RSPH3: variants seen among roughly 807,000 people sequenced by gnomAD.
The protein encoded by RSPH3 is radial spoke head 3.
Under a neutral mutation model 43.8 loss-of-function variants are expected in RSPH3, and 21 were observed. The ratio of observed to expected loss-of-function variants is 0.48; its 90% confidence interval spans 0.34 to 0.69. RSPH3 has a LOEUF of 0.69. Ranked by LOEUF, RSPH3 falls within the 30% of genes least tolerant of loss-of-function variation. The pLI, the probability that RSPH3 is intolerant of heterozygous loss-of-function variation, is 0.01. For missense variants in RSPH3, 487 were observed against 516.0 expected (o/e 0.94, Z 0.54); for synonymous variants, 173 against 179.8 (o/e 0.96, Z 0.30).
intron 3 of RSPH3, 70 bp downstream of exon 3, chr6:158,986,210 A>C: frequency 6.7e-7 from 1 of 1,500,710 alleles, no homozygotes; most frequent in South Asian, 1.2e-5. Flanking sequence ...ACAAAGGCCA[A>C]ATAAAAATGA....
At chr6:158,967,908 C>T (rs1228804384), downstream of RSPH3, among the ~76,000 whole-genome samples, 1 of 152,072 alleles carries the variant, frequency 6.6e-6, no homozygotes, top group African/African-American at 2.4e-5. Context: ...TTTTTGGTTA[C>T]TGTTTGCATG....
intron 6 of RSPH3, among the ~76,000 whole-genome samples, chr6:158,979,083 G>A (rs1157064588): frequency 6.6e-6 from 1 of 152,140 alleles, no homozygotes; most frequent in Non-Finnish European, 1.5e-5. Context: ...CATTTGAGGA[G>A]GCAGTCATCT....
In RSPH3 at chr6:158,977,835, C is replaced by T. The variant is rs754828177; in HGVS notation, c.960G>A (p.Glu320=). The change falls in exon 8 of 8, where the codon GAG becomes GAA. Residue 320 remains glutamate, a synonymous_variant. Coordinates refer to ENST00000367069, the MANE Select transcript of RSPH3 (RefSeq NM_031924.8). ...GRTVLDMLIR[E]VVEKRLCMYE... is the part of the protein sequence containing the mutation. The stretch of plus-strand genomic sequence containing the variant: ...ACATACACAGCCTCTTTTCAACCAC[C>T]TCACGGATCAACACTGAAAAGTTAA... 1 of 1,610,026 alleles carries T rather than the reference C, an allele frequency of 6.2e-7. No homozygotes were observed. The highest frequency in any genetic ancestry group is 8.5e-7 in the Non-Finnish European group (1 of 1,178,670).
chr6:158,979,044 G>C (rs546668094), intron 6 of RSPH3, among the ~76,000 whole-genome samples: 6 of 152,178 alleles, frequency 3.9e-5, no homozygotes, highest in Non-Finnish European at 8.8e-5. Context: ...GAAGGAAGCT[G>C]ATCAGACTCA....
intron 1 of RSPH3, among the ~76,000 whole-genome samples, chr6:158,994,144 A>T (rs1296694496): frequency 1.3e-5 from 2 of 152,208 alleles, no homozygotes; most frequent in African/African-American, 4.8e-5. Flanking sequence ...TATTATTCAC[A>T]ATAAGCTGCA....
chr6:158,964,533 G>T, the RSPH3 span, among the ~76,000 whole-genome samples: 1 of 152,122 alleles, frequency 6.6e-6, no homozygotes, highest in Non-Finnish European at 1.5e-5. Flanking sequence ...CCACCTTAAT[G>T]GGTATGAAGT....
At chr6:158,988,197 C>G (rs1778294639) in intron 2 of RSPH3, 1 of 152,144 alleles carries the variant, frequency 6.6e-6, no homozygotes, top group Non-Finnish European at 1.5e-5. Context: ...ACCCCAGTCC[C>G]TCCTGGTCAT....
chr6:158,997,879 C>A (rs1778649626), intron 1 of RSPH3, among the ~76,000 whole-genome samples: 1 of 146,822 alleles, frequency 6.8e-6, no homozygotes, highest in Non-Finnish European at 1.5e-5. Flanking sequence ...TGATAGACAT[C>A]TCTTATAGAA....
Position 158,983,703 on chromosome 6 carries a change from T to C in RSPH3, c.451A>G (p.Lys151Glu). Residue 151 changes from lysine (K) to glutamate (E), a missense_variant, in exon 4 of 8, where the codon AAA becomes GAA. By Grantham distance (56) the Lys-to-Glu change is moderately conservative (BLOSUM62 1). Coordinates refer to ENST00000367069, the MANE Select transcript of RSPH3 (RefSeq NM_031924.8). The part of the protein sequence containing the change: ...RPPTPLFIPA[K>E]TGKDVATQIL... ...TGGGTGGCCACATCTTTGCCAGTTTTGGCAGGAATAAAGAGTGGTGTTGGT... is the reference window on the plus strand; with the variant it reads ...TGGGTGGCCACATCTTTGCCAGTTTCGGCAGGAATAAAGAGTGGTGTTGGT... The C allele has an allele frequency of 1.2e-6, 2 of 1,613,834 alleles. No individual in the cohort carries two copies. The highest frequency in any genetic ancestry group is 1.7e-6 in the Non-Finnish European group (2 of 1,179,648).
At chr6:158,972,098 C>T (rs145574328), downstream of RSPH3, among the ~76,000 whole-genome samples, 310 of 152,248 alleles carry the variant, frequency 2.0e-3, 1 homozygote, top group Middle Eastern at 0.017. Flanking sequence ...CTACCATAAT[C>T]ATGCCCTCAT....
chr6:158,990,937 C>T lies in RSPH3; in HGVS notation c.204+2902G>A, dbSNP rs116759648. 4.4e-3 allele frequency among the ~76,000 whole-genome samples: 663 copies of T among 149,628 alleles called. 7 individuals are homozygous for T. The highest frequency in any genetic ancestry group is 0.016 in the African/African-American group (635 of 40,622). ...TCTCTCTGTTCAGCTGGATAACTTC[C>T]GTTCTTCATTGATTCTTCTTCAAAT... On this transcript the variant is annotated intron_variant, in intron 2 of 7. Coordinates refer to ENST00000367069, the MANE Select transcript of RSPH3 (RefSeq NM_031924.8).
intron 1 of RSPH3, among the ~76,000 whole-genome samples, chr6:158,997,962 T>G (rs1322900889): frequency 6.8e-6 from 1 of 147,252 alleles, no homozygotes; most frequent in African/African-American, 2.5e-5. Flanking sequence ...AATTACATTG[T>G]TGATGTTCAA....
At chr6:158,996,259 T>C (rs1026710464) in intron 1 of RSPH3, among the ~76,000 whole-genome samples, 3 of 152,246 alleles carry the variant, frequency 2.0e-5, no homozygotes, top group African/African-American at 7.2e-5. Context: ...TTATCACAAT[T>C]GTCTTTTCAC....
chr6:158,989,372 G>C lies in RSPH3; in HGVS notation c.205-2951C>G, dbSNP rs1169157588. ...AGAGATCCTTTATCACTAGATTGCTGCCTCCTTTTTGGCTCTAGGTGGTGC... is the reference window on the plus strand; with the variant it reads ...AGAGATCCTTTATCACTAGATTGCTCCCTCCTTTTTGGCTCTAGGTGGTGC... On this transcript the variant is annotated intron_variant, in intron 2 of 7. Coordinates refer to ENST00000367069, the MANE Select transcript of RSPH3 (RefSeq NM_031924.8). The surrounding 1 kb of genome is among the most constrained non-coding windows in gnomAD (Gnocchi z 4.3). Among the ~76,000 whole-genome samples the C allele has an allele frequency of 6.6e-6, 1 of 152,088 alleles. No homozygotes were observed. Among genetic ancestry groups the C allele is most frequent in the Non-Finnish European group, 1.5e-5 (1 of 68,002 alleles).
chr6:158,971,703 T>C (rs1006663326), downstream of RSPH3, among the ~76,000 whole-genome samples: 1 of 152,228 alleles, frequency 6.6e-6, no homozygotes, highest in African/African-American at 2.4e-5. Context: ...GAGGGTCCAC[T>C]GCAAAGTCTG....
intron 6 of RSPH3, among the ~76,000 whole-genome samples, chr6:158,980,331 G>A (rs1391534066): frequency 1.3e-5 from 2 of 152,136 alleles, no homozygotes; most frequent in Non-Finnish European, 2.9e-5. Flanking sequence ...GGAAGGCCGA[G>A]GCAGGGAGAA....
intron 5 of RSPH3, among the ~76,000 whole-genome samples, chr6:158,981,550 A>G (rs1343358053): frequency 6.7e-6 from 1 of 149,392 alleles, no homozygotes; most frequent in Non-Finnish European, 1.5e-5. Context: ...GTTTCCAAAT[A>G]GTAAATAAAC....
chr6:158,988,971 C>G (rs1409891422), intron 2 of RSPH3, among the ~76,000 whole-genome samples: 2 of 152,090 alleles, frequency 1.3e-5, no homozygotes, highest in Non-Finnish European at 2.9e-5. Context: ...GTCTATGTCT[C>G]TGCACTGAAG....
At chr6:158,977,909 TATAA>T in intron 7 of RSPH3, 61 bp from the exon 8 acceptor site, 1 of 1,377,522 alleles carries the variant, frequency 7.3e-7, no homozygotes, top group Non-Finnish European at 1.0e-6. Context: ...TTTCAGGAGT[TATAA>T]TGCTCACTTA....
Sources: allele counts gnomAD v4.1 joint callset (sites outside exome capture counted in the v4.1 genomes callset), GRCh38; gene constraint gnomAD v4.1.1; non-coding constraint Gnocchi (gnomAD v3.1); transcripts MANE v1.5; gene names NCBI Gene and HGNC (gene_info 2026-07-23, HGNC 2026-07-21).